RRM2: variants seen among roughly 807,000 people sequenced by gnomAD.
The protein encoded by RRM2 is ribonucleotide reductase regulatory subunit M2, also known as ribonucleoside-diphosphate reductase subunit M2.
RRM2 carries 6 observed loss-of-function variants against 45.9 expected under a neutral mutation model. That is an observed-to-expected ratio of 0.13 (90% confidence interval 0.07 to 0.26). The LOEUF (loss-of-function observed/expected upper bound fraction) is 0.26, where lower values mean the gene tolerates loss of function less well. RRM2 is among the 10% of genes least tolerant of loss of function. RRM2 has a pLI of 1.00. For missense variants in RRM2, 343 were observed against 489.5 expected, an observed-to-expected ratio of 0.70 and a Z score of 2.82; for synonymous variants, 177 against 173.0, an observed-to-expected ratio of 1.02 and a Z score of -0.18.
chr2:10,157,780 G>A (rs928206573), intron 3 of RRM2, among the ~76,000 whole-genome samples: 1 of 152,100 alleles, frequency 6.6e-6, no homozygotes, highest in Admixed American at 6.6e-5. Flanking sequence ...CTCTATTAGA[G>A]GCAACTAATG....
intron 3 of RRM2, among the ~76,000 whole-genome samples, chr2:10,188,174 C>T (rs1247605686): frequency 6.6e-6 from 1 of 152,196 alleles, no homozygotes; most frequent in Non-Finnish European, 1.5e-5. Flanking sequence ...TGAGCAGGGC[C>T]CAGGTGGCTG....
intron 3 of RRM2, among the ~76,000 whole-genome samples, chr2:10,183,799 A>G (rs1662255709): frequency 6.7e-6 from 1 of 150,354 alleles, no homozygotes; most frequent in Non-Finnish European, 1.5e-5. Context: ...TGTTTCAAAA[A>G]AAAAAAAAGG....
At position 10,177,263 on chromosome 2, in the gene RRM2, T is replaced by TAATAG. The variant is rs560609435; in HGVS notation, n.483-33043_483-33039dup. Among the ~76,000 whole-genome samples, 1,066 of 119,656 alleles carry TAATAG rather than the reference T, an allele frequency of 8.9e-3. 16 individuals are homozygous for TAATAG. Among genetic ancestry groups the TAATAG allele is most frequent in the African/African-American group, 0.03 (1,000 of 33,544 alleles). The allele number at this position is 119,656 out of a possible 152,430, so 78.5% of individuals were successfully genotyped here. A position where few individuals can be genotyped will look rare whatever the true frequency, so the allele number is the denominator to read the frequency against. On this transcript the variant is annotated intron_variant and non_coding_transcript_variant, in intron 3 of 3. Transcript: ENST00000381786. The stretch of plus-strand genomic sequence containing the variant: ...TTCGCTTCAATAAAATAAAATAAAA[T>TAATAG]AATAGAATAAAATAGAATAAAAAAA...
chr2:10,161,858 T>A (rs576458785), intron 3 of RRM2, among the ~76,000 whole-genome samples: 2 of 152,304 alleles, frequency 1.3e-5, no homozygotes, highest in South Asian at 4.1e-4. Context: ...GAGGCAAGGC[T>A]GAGGTTTGCA....
At chr2:10,133,611 G>A (rs1244058603), downstream of RRM2, among the ~76,000 whole-genome samples, 1 of 152,132 alleles carries the variant, frequency 6.6e-6, no homozygotes, top group African/African-American at 2.4e-5. Flanking sequence ...CCTGAGTATA[G>A]AGGGGCTACC....
At chr2:10,152,094 G>A (rs1203754116) in intron 3 of RRM2, among the ~76,000 whole-genome samples, 3 of 151,772 alleles carry the variant, frequency 2.0e-5, no homozygotes, top group Admixed American at 6.6e-5. Context: ...GACTACAGGC[G>A]CCCGCCACCA....
At position 10,187,122 on chromosome 2, in the gene RRM2, G is replaced by A. The variant is rs73914000; in HGVS notation, n.483-23189G>A. On this transcript the variant is annotated intron_variant and non_coding_transcript_variant, in intron 3 of 3. Transcript: ENST00000381786. ...CATGGCGTTTCCTGCCGGAGTGCTG[G>A]TCACTGAGGGCTCTCAGACAAGGAA... Among the ~76,000 whole-genome samples the A allele has an allele frequency of 7.5e-3, 1,142 of 152,318 alleles. 19 individuals carry two copies. The highest frequency in any genetic ancestry group is 0.026 in the African/African-American group (1,074 of 41,574).
chr2:10,122,707 G>A, upstream of RRM2: 3 of 1,551,108 alleles, frequency 1.9e-6, no homozygotes, highest in Non-Finnish European at 2.6e-6. Context: ...CGGCGCGGGA[G>A]ATTTAAAGGC....
At chr2:10,123,930 T>C (rs6432065) in intron 4 of RRM2, 78 bp downstream of exon 4, 575,327 of 824,542 alleles carry the variant, frequency 0.7, 206,667 homozygotes, top group African/African-American at 0.92. Flanking sequence ...TCGTCTTGTA[T>C]GTTTTTCCAT....
At position 10,123,193 on chromosome 2, in the gene RRM2, C is replaced by T. The variant is rs1662703367; in HGVS notation, c.174+136C>T. The T allele has an allele frequency of 5.4e-6, 7 of 1,288,186 alleles. No individual in the cohort carries two copies. The South Asian group carries it at 9.1e-5, about 17-fold the overall frequency. The allele number at this position is 1,288,186 out of a possible 1,614,324, so 79.8% of individuals were successfully genotyped here. A position where few individuals can be genotyped will look rare whatever the true frequency, so the allele number is the denominator to read the frequency against. Reference sequence around the variant, plus strand: ...CTAGGCGGCCCCTCCCCAGGGCTGCCTCCCGCGCCCCTCGGCCCATTTCCC... The same window carrying T: ...CTAGGCGGCCCCTCCCCAGGGCTGCTTCCCGCGCCCCTCGGCCCATTTCCC... On this transcript the variant is annotated intron_variant, in intron 2 of 9. Transcript: ENST00000304567.
chr2:10,200,878 G>T (rs1664556128), intron 3 of RRM2, among the ~76,000 whole-genome samples: 1 of 152,192 alleles, frequency 6.6e-6, no homozygotes, highest in African/African-American at 2.4e-5. Flanking sequence ...CGGGTGCCAT[G>T]GCTCACACCT....
At chr2:10,136,478 T>C (rs1326394341), upstream of RRM2, among the ~76,000 whole-genome samples, 2 of 152,298 alleles carry the variant, frequency 1.3e-5, no homozygotes, top group Admixed American at 1.3e-4. Flanking sequence ...GACCCCCTGT[T>C]GCCCTTTATC....
chr2:10,134,723 G>A (rs1662963120), downstream of RRM2, among the ~76,000 whole-genome samples: 1 of 152,246 alleles, frequency 6.6e-6, no homozygotes. Flanking sequence ...GGCTCTTAGA[G>A]CTATTTCAAC....
intron 3 of RRM2, among the ~76,000 whole-genome samples, chr2:10,177,109 G>A (rs1663931219): frequency 6.6e-6 from 1 of 152,144 alleles, no homozygotes; most frequent in African/African-American, 2.4e-5. Context: ...AGCTGGGCGT[G>A]ATGGTGGGCA....
exon 3 of RRM2, chr2:10,142,365 G>T (rs763360055): frequency 7.3e-7 from 1 of 1,372,696 alleles, no homozygotes; most frequent in South Asian, 1.1e-5. Context: ...GGAGGCAGTT[G>T]CAGCTTTCAG....
rs1204249498 is a variant in RRM2, at chr2:10,171,855, G to A, written n.482+29480G>A. The stretch of plus-strand genomic sequence containing the variant: ...GCACTGTTCTGGACACGAGGTCTCA[G>A]GAACAAACAAAATATACAGAAACTT... On this transcript the variant is annotated intron_variant and non_coding_transcript_variant, in intron 3 of 3. Coordinates refer to the RRM2 transcript ENST00000381786. This position sits in a 1 kb window ranked among gnomAD's most constrained non-coding sequence, Gnocchi z 4.1. Among the ~76,000 whole-genome samples the A allele has an allele frequency of 6.6e-6, 1 of 152,204 alleles. No individual in the cohort carries two copies. The highest frequency in any genetic ancestry group is 2.4e-5 in the African/African-American group (1 of 41,452).
chr2:10,164,604 TAA>T (rs1177956869), intron 3 of RRM2, among the ~76,000 whole-genome samples: 1 of 152,138 alleles, frequency 6.6e-6, no homozygotes. Context: ...TGTTAGTTGT[TAA>T]ACAGTTTGAA....
At chr2:10,141,441 G>A (rs192943120) in exon 1 of RRM2, 4 of 230,414 alleles carry the variant, frequency 1.7e-5, no homozygotes, top group Admixed American at 1.5e-4. Flanking sequence ...ATGTTAGTGT[G>A]CCCTCTCCAG....
chr2:10,169,765 G>GGGAGCA lies in RRM2; in HGVS notation n.482+27401_482+27406dup, dbSNP rs560710612. ...CCTCCGCACTGGGCTTCCTGAGGAC[G>GGGAGCA]GGAGCAGGAGCAGGAGGCTGAGGCC... On this transcript the variant is annotated intron_variant and non_coding_transcript_variant, in intron 3 of 3. Coordinates refer to the RRM2 transcript ENST00000381786. The surrounding 1 kb of genome is among the most constrained non-coding windows in gnomAD (Gnocchi z 5.1). Among the ~76,000 whole-genome samples, 21 of 152,310 alleles carry GGGAGCA rather than the reference G, an allele frequency of 1.4e-4. No homozygotes were observed. The East Asian group carries it at 4.0e-3, about 29-fold the overall frequency.
Sources: allele counts gnomAD v4.1 joint callset (sites outside exome capture counted in the v4.1 genomes callset), GRCh38; gene constraint gnomAD v4.1.1; non-coding constraint Gnocchi (gnomAD v3.1); transcripts MANE v1.5; gene names NCBI Gene and HGNC (gene_info 2026-07-23, HGNC 2026-07-21).